Variants in ARFIP1 observed in about 807,000 individuals in gnomAD.
ARFIP1 encodes arfaptin-1.
A neutral mutation model predicts 42.5 loss-of-function variants in ARFIP1; 24 were observed. The ratio of observed to expected loss-of-function variants is 0.57; its 90% CI spans 0.41 to 0.80. The LOEUF is 0.80. Ranked by LOEUF, ARFIP1 falls within the 30% of genes least tolerant of loss-of-function variation. The pLI is 0.00. For missense variants in ARFIP1, 354 were observed against 434.0 expected, an observed-to-expected ratio of 0.82 and a Z score of 1.64; for synonymous variants, 141 against 153.7, an observed-to-expected ratio of 0.92 and a Z score of 0.61.
intron 8 of ARFIP1, among the ~76,000 whole-genome samples, chr4:152,908,532 C>G (rs1469890913): frequency 6.6e-6 from 1 of 151,850 alleles, no homozygotes; most frequent in Admixed American, 6.6e-5. Flanking sequence ...ATCGCTTGAA[C>G]CCGGGAGGCA....
At chr4:152,854,227 T>A (rs998926533) in intron 2 of ARFIP1, among the ~76,000 whole-genome samples, 1 of 152,228 alleles carries the variant, frequency 6.6e-6, no homozygotes, top group African/African-American at 2.4e-5. Flanking sequence ...TCTGAGATTC[T>A]TTCTTCTGCA....
chr4:152,804,302 A>ATATATAT (rs1728770463), intron 1 of ARFIP1, among the ~76,000 whole-genome samples: 2 of 23,556 alleles, frequency 8.5e-5, no homozygotes, highest in African/African-American at 4.9e-4. Flanking sequence ...TATATATATT[A>ATATATAT]TATATATATA....
intron 1 of ARFIP1, among the ~76,000 whole-genome samples, chr4:152,793,542 T>C (rs1380429189): frequency 6.6e-6 from 1 of 151,964 alleles, no homozygotes; most frequent in African/African-American, 2.4e-5. Context: ...ATGTACTAAG[T>C]TTTCTCCTAT....
intron 8 of ARFIP1, among the ~76,000 whole-genome samples, chr4:152,905,542 A>ATTGTTTT (rs1554036957): frequency 2.2e-4 from 10 of 45,958 alleles, no homozygotes; most frequent in South Asian, 6.6e-4. Context: ...AATTGTAAGA[A>ATTGTTTT]TTGTTTTTTT....
chr4:152,905,417 C>G (rs1738230086), intron 8 of ARFIP1, among the ~76,000 whole-genome samples: 1 of 151,900 alleles, frequency 6.6e-6, no homozygotes, highest in Non-Finnish European at 1.5e-5. Context: ...TTGGATTTTC[C>G]TAATAACTAA....
chr4:152,829,596 A>G (rs1027019708), intron 1 of ARFIP1, 29 bp from the exon 2 acceptor site: 2 of 1,487,872 alleles, frequency 1.3e-6, no homozygotes, highest in Non-Finnish European at 1.8e-6. Context: ...GGTATTAGTT[A>G]CGGCGCTTTT....
chr4:152,782,238 G>A (rs976137449), intron 1 of ARFIP1, among the ~76,000 whole-genome samples: 9 of 60,754 alleles, frequency 1.5e-4, no homozygotes, highest in African/African-American at 3.4e-4. Flanking sequence ...GTGTGTGTGT[G>A]TGTGTGTGTG....
chr4:152,841,442 G>GT (rs1732069914), intron 2 of ARFIP1, among the ~76,000 whole-genome samples: 2 of 152,160 alleles, frequency 1.3e-5, no homozygotes, highest in Admixed American at 1.3e-4. Context: ...GTGTACTTTT[G>GT]TTTTTTGTTT....
chr4:152,848,907 A>T lies in ARFIP1; in HGVS notation c.94-14699A>T, dbSNP rs139312281. Among the ~76,000 whole-genome samples the T allele has an allele frequency of 1.3e-3, 195 of 152,300 alleles. 1 individual carries two copies. Among genetic ancestry groups the T allele is most frequent in the Non-Finnish European group, 1.9e-3 (127 of 68,014 alleles). On this transcript the variant is annotated intron_variant, in intron 2 of 8. Transcript: ENST00000353617. ...AATGTTTCCACGTTACTCACACATA[A>T]AAAATGTAGTAGCTCGGTCAATGGC... is the stretch of plus-strand genomic sequence containing the variant.
At chr4:152,805,997 A>G (rs1208486452) in intron 1 of ARFIP1, among the ~76,000 whole-genome samples, 1 of 152,268 alleles carries the variant, frequency 6.6e-6, no homozygotes, top group Non-Finnish European at 1.5e-5. Flanking sequence ...TGGGCAGCCA[A>G]AAATAAGGAA....
intron 3 of ARFIP1, among the ~76,000 whole-genome samples, chr4:152,868,244 C>T (rs762825042): frequency 1.7e-4 from 26 of 152,180 alleles, no homozygotes; most frequent in Non-Finnish European, 3.2e-4. Context: ...TAAATCAAAG[C>T]TCACAAGAGT....
At chr4:152,850,076 A>C (rs1578929508) in intron 2 of ARFIP1, among the ~76,000 whole-genome samples, 1 of 152,348 alleles carries the variant, frequency 6.6e-6, no homozygotes, top group East Asian at 1.9e-4. Flanking sequence ...ATACGGAGGG[A>C]AAATAAAATC....
At chr4:152,805,867 C>T (rs755595462) in intron 1 of ARFIP1, among the ~76,000 whole-genome samples, 91 of 152,224 alleles carry the variant, frequency 6.0e-4, no homozygotes, top group Non-Finnish European at 2.6e-4. Flanking sequence ...AACAATCTGG[C>T]TTCAGATATT....
intron 8 of ARFIP1, among the ~76,000 whole-genome samples, chr4:152,904,953 A>G (rs1561186447): frequency 6.6e-6 from 1 of 152,132 alleles, no homozygotes; most frequent in Non-Finnish European, 1.5e-5. Flanking sequence ...CTGGTTCTAG[A>G]TCCTTGAGGA....
At position 152,866,839 on chromosome 4, in the gene ARFIP1, C is replaced by T. The variant is rs553732296; in HGVS notation, c.202+3125C>T. Among the ~76,000 whole-genome samples, 9 of 151,558 alleles carry T rather than the reference C, an allele frequency of 5.9e-5. No homozygotes were observed. In the South Asian group the frequency reaches 1.3e-3, roughly 21 times the overall value. On this transcript the variant is annotated intron_variant, in intron 3 of 8. Coordinates refer to ENST00000353617, the MANE Select transcript of ARFIP1 (RefSeq NM_001025595.3). The stretch of plus-strand genomic sequence containing the variant: ...AGATGGGGTCGCGGCCAGGCAGAGG[C>T]GCTCTTCACATCCCAGACGGGGCGG...
intron 2 of ARFIP1, among the ~76,000 whole-genome samples, chr4:152,839,279 G>T (rs1172593270): frequency 6.6e-6 from 1 of 152,090 alleles, no homozygotes; most frequent in African/African-American, 2.4e-5. Flanking sequence ...TGGTATTAGG[G>T]TGATGCTGGC....
intron 8 of ARFIP1, among the ~76,000 whole-genome samples, chr4:152,902,383 T>C (rs548074899): frequency 1.3e-5 from 2 of 152,308 alleles, no homozygotes; most frequent in Non-Finnish European, 2.9e-5. Flanking sequence ...GCACCATTAT[T>C]CCTAGTTATT....
chr4:152,787,065 A>G (rs947526150), intron 1 of ARFIP1, among the ~76,000 whole-genome samples: 2 of 152,180 alleles, frequency 1.3e-5, no homozygotes, highest in Non-Finnish European at 2.9e-5. Context: ...TCAGTGGCCT[A>G]TAAACTTCAT....
chr4:152,909,481 T>A (rs937673549), intron 8 of ARFIP1, among the ~76,000 whole-genome samples: 2 of 152,190 alleles, frequency 1.3e-5, no homozygotes, highest in African/African-American at 2.4e-5. Context: ...CTTATAGAGG[T>A]AGTATGACTT....
Sources: allele counts gnomAD v4.1 joint callset (sites outside exome capture counted in the v4.1 genomes callset), GRCh38; gene constraint gnomAD v4.1.1; transcripts MANE v1.5; gene names NCBI Gene and HGNC (gene_info 2026-07-23, HGNC 2026-07-21).